The following RAD50 variants were observed in gnomAD, a reference collection of about 807,000 sequenced individuals.
RAD50 encodes the protein RAD50 double strand break repair protein.
A neutral mutation model predicts 168.8 loss-of-function variants in RAD50; 132 were observed. The observed-to-expected ratio is 0.78, with a 90% CI of 0.68 to 0.90. The LOEUF is 0.90. RAD50 is among the 40% of genes least tolerant of loss of function. The pLI, the probability that RAD50 is intolerant of heterozygous loss-of-function variation, is 0.00. For missense variants in RAD50, 1,347 were observed against 1,534.4 expected (o/e 0.88, Z 2.04); for synonymous variants, 525 against 497.4 (o/e 1.06, Z -0.74).
At chr5:132,598,362 CTAAGAG>C (rs1750828988) in intron 13 of RAD50, among the ~76,000 whole-genome samples, 1 of 152,156 alleles carries the variant, frequency 6.6e-6, no homozygotes, top group African/African-American at 2.4e-5. Flanking sequence ...AGTTTCCCCT[CTAAGAG>C]TAAGGTGCAT....
At chr5:132,573,730 A>T (rs927048339) in intron 2 of RAD50, among the ~76,000 whole-genome samples, 1 of 152,242 alleles carries the variant, frequency 6.6e-6, no homozygotes. Context: ...TACTTCTTAG[A>T]TACAATGGGG....
At chr5:132,562,915 A>C (rs1474331024) in intron 2 of RAD50, among the ~76,000 whole-genome samples, 1 of 152,212 alleles carries the variant, frequency 6.6e-6, no homozygotes, top group Non-Finnish European at 1.5e-5. Flanking sequence ...GGTGTCTTGG[A>C]AGACAAGAGA....
intron 2 of RAD50, among the ~76,000 whole-genome samples, chr5:132,574,126 G>A (rs1750354064): frequency 6.6e-6 from 1 of 152,202 alleles, no homozygotes; most frequent in Non-Finnish European, 1.5e-5. Context: ...TAGGAACTCT[G>A]TGGGGTTTCA....
At position 132,603,970 on chromosome 5, in the gene RAD50, A is replaced by G. The variant is rs1554099151; in HGVS notation, c.2448A>G (p.Leu816=). The change falls in exon 15 of 25, where the codon CTA becomes CTG. Residue 816 remains leucine, a synonymous_variant. Coordinates refer to ENST00000378823, the MANE Select transcript of RAD50 (RefSeq NM_005732.4). ...AAATTGCACAACAAGCAGCTAAGCTACAAGGAATAGACTTAGATCGAACTG... is the reference window on the plus strand; with the variant it reads ...AAATTGCACAACAAGCAGCTAAGCTGCAAGGAATAGACTTAGATCGAACTG... ...ERKIAQQAAK[L]QGIDLDRTVQ... 2 of 1,612,396 alleles carry G rather than the reference A, an allele frequency of 1.2e-6. No homozygotes were observed. Among genetic ancestry groups the G allele is most frequent in the African/African-American group, 2.7e-5 (2 of 75,008 alleles).
Position 132,644,482 on chromosome 5 carries a change from A to T in RAD50, c.*2118A>T, listed in dbSNP as rs146790944. 5.6e-6 allele frequency: 1 copy of T among 177,752 alleles called. No individual in the cohort carries two copies. Among genetic ancestry groups the T allele is most frequent in the Non-Finnish European group, 1.2e-5 (1 of 82,792 alleles). The allele number at this position is 177,752 out of a possible 1,614,324, so 11.0% of individuals were successfully genotyped here. On this transcript the variant is annotated 3_prime_UTR_variant, in exon 25 of 25. Coordinates refer to ENST00000378823, the MANE Select transcript of RAD50 (RefSeq NM_005732.4). ...TATTTGTCCTGTTTTCTGTTTCCTT[A>T]TATGTAAAAGTGGGTAAAATGGTAC...
chr5:132,610,389 ATATCAT>A (rs1372879241), intron 19 of RAD50, among the ~76,000 whole-genome samples: 1 of 152,178 alleles, frequency 6.6e-6, no homozygotes, highest in Non-Finnish European at 1.5e-5. Flanking sequence ...GTTGATTCCT[ATATCAT>A]TTATTTTCTC....
At chr5:132,570,550 G>A (rs1159729082) in intron 2 of RAD50, among the ~76,000 whole-genome samples, 1 of 152,188 alleles carries the variant, frequency 6.6e-6, no homozygotes, top group East Asian at 1.9e-4. Flanking sequence ...CTTTCTTTAA[G>A]CCTCATGAAC....
intron 19 of RAD50, among the ~76,000 whole-genome samples, chr5:132,609,768 C>T (rs1056851027): frequency 2.0e-5 from 3 of 152,048 alleles, no homozygotes; most frequent in Admixed American, 1.3e-4. Context: ...GGCGACACAG[C>T]GAGACTCTGT....
At chr5:132,572,285 G>C (rs561184583) in intron 2 of RAD50, among the ~76,000 whole-genome samples, 2 of 152,276 alleles carry the variant, frequency 1.3e-5, no homozygotes, top group African/African-American at 4.8e-5. Context: ...GGCATCCACA[G>C]AAGTACCCTA....
chr5:132,561,607 G>A (rs1750125689), intron 2 of RAD50, among the ~76,000 whole-genome samples: 1 of 152,190 alleles, frequency 6.6e-6, no homozygotes, highest in African/African-American at 2.4e-5. Flanking sequence ...TACTGGTTAT[G>A]TGCTGGTAAC....
At chr5:132,627,333 A>AT (rs1478124794) in intron 21 of RAD50, among the ~76,000 whole-genome samples, 1 of 152,208 alleles carries the variant, frequency 6.6e-6, no homozygotes, top group Non-Finnish European at 1.5e-5. Context: ...TTCAATAAAA[A>AT]TTTGAGTACA....
At chr5:132,568,307 A>G (rs1244124663) in intron 2 of RAD50, among the ~76,000 whole-genome samples, 2 of 151,774 alleles carry the variant, frequency 1.3e-5, no homozygotes, top group African/African-American at 2.4e-5. Context: ...CTGGTCTCGA[A>G]CTCATGACCT....
intron 2 of RAD50, among the ~76,000 whole-genome samples, chr5:132,560,610 C>T (rs554419009): frequency 1.3e-5 from 2 of 152,288 alleles, no homozygotes; most frequent in East Asian, 1.9e-4. Flanking sequence ...ACTGTACATA[C>T]GTGCCCATAC....
At chr5:132,607,296 C>T (rs151324933) in intron 16 of RAD50, among the ~76,000 whole-genome samples, 14 of 152,180 alleles carry the variant, frequency 9.2e-5, no homozygotes, top group African/African-American at 2.4e-4. Context: ...TTATCTATGG[C>T]GGTCACTCTC....
chr5:132,604,112 G>A (rs1354016607), intron 15 of RAD50, 66 bp downstream of exon 15: 1 of 1,578,190 alleles, frequency 6.3e-7, no homozygotes, highest in Non-Finnish European at 8.7e-7. Context: ...GCCTTTTACA[G>A]TCAATTTTAT....
At chr5:132,588,404 G>A (rs754144582) in intron 7 of RAD50, among the ~76,000 whole-genome samples, 1 of 152,106 alleles carries the variant, frequency 6.6e-6, no homozygotes, top group African/African-American at 2.4e-5. Flanking sequence ...TATATGAACC[G>A]ACACAGGTGA....
chr5:132,606,751 C>A (rs757837094), intron 16 of RAD50, among the ~76,000 whole-genome samples: 4 of 152,158 alleles, frequency 2.6e-5, no homozygotes, highest in African/African-American at 9.7e-5. Flanking sequence ...TCCAGCAGCA[C>A]GTCAAAAAGC....
At chr5:132,599,142 C>T (rs1429587568) in intron 13 of RAD50, among the ~76,000 whole-genome samples, 1 of 152,158 alleles carries the variant, frequency 6.6e-6, no homozygotes, top group Non-Finnish European at 1.5e-5. Context: ...AACTGTCTCG[C>T]AGTGATTAGT....
intron 11 of RAD50, among the ~76,000 whole-genome samples, chr5:132,592,600 A>C (rs1750722639): frequency 6.6e-6 from 1 of 152,214 alleles, no homozygotes; most frequent in East Asian, 1.9e-4. Context: ...CATAATAAGC[A>C]GTTGTTACCT....
Sources: gnomAD v4.1 joint callset for allele counts (sites outside exome capture counted in the v4.1 genomes callset) on GRCh38, gnomAD v4.1.1 for gene constraint, MANE v1.5 for transcripts, NCBI Gene and HGNC (gene_info 2026-07-23, HGNC 2026-07-21) for gene names.